TNFRSF4: variants seen among roughly 807,000 people sequenced by gnomAD.
TNFRSF4 encodes TNF receptor superfamily member 4.
In TNFRSF4, 21 loss-of-function variants were observed where a neutral mutation model predicts 29.5. The observed-to-expected ratio is 0.71, with a 90% CI of 0.51 to 1.03. The LOEUF (loss-of-function observed/expected upper bound fraction) is 1.03, where lower values mean the gene tolerates loss of function less well. TNFRSF4 is among the 50% of genes least tolerant of loss of function. TNFRSF4 has a pLI of 0.00. For synonymous variants in TNFRSF4, 197 were observed against 172.7 expected, an observed-to-expected ratio of 1.14 and a Z score of -1.10; for missense variants, 408 against 387.8, an observed-to-expected ratio of 1.05 and a Z score of -0.44.
intron 1 of TNFRSF4, 82 bp downstream of exon 1, chr1:1,213,901 C>T (rs1173563048): frequency 4.4e-6 from 6 of 1,372,118 alleles, no homozygotes; most frequent in South Asian, 1.4e-5. Flanking sequence ...CTCCCCAGGA[C>T]CAGCCTCCTG....
At position 1,212,005 on chromosome 1, in the gene TNFRSF4, G is replaced by GCTGGA; in HGVS notation, c.566_570dup (p.Pro191SerfsTer?). On this transcript the variant is annotated frameshift_variant, in exon 5 of 7. Coordinates refer to ENST00000379236, the MANE Select transcript of TNFRSF4 (RefSeq NM_003327.4). LOFTEE classifies it high-confidence loss of function. ...GAGGTTCTGGGCCAGGCTTCAGTGG[G>GCTGGA]CTGGACAGTGATGGGCCTGGCCGGG... is the stretch of plus-strand genomic sequence containing the variant. 3 of 1,608,898 alleles carry GCTGGA rather than the reference G, an allele frequency of 1.9e-6. No individual in the cohort carries two copies. Among genetic ancestry groups the GCTGGA allele is most frequent in the Non-Finnish European group, 2.5e-6 (3 of 1,178,482 alleles).
At position 1,213,935 on chromosome 1, in the gene TNFRSF4, C is replaced by T. The variant is rs1373164674; in HGVS notation, c.145+48G>A. The T allele has an allele frequency of 3.9e-6, 6 of 1,527,366 alleles. No individual in the cohort carries two copies. In the East Asian group the frequency reaches 1.4e-4, roughly 36 times the overall value. 94.6% of individuals were successfully genotyped at this position (1,527,366 alleles called of 1,614,324 possible). A position where few individuals can be genotyped will look rare whatever the true frequency, so the allele number is the denominator to read the frequency against. On this transcript the variant is annotated intron_variant, in intron 1 of 6. Coordinates refer to ENST00000379236, the MANE Select transcript of TNFRSF4 (RefSeq NM_003327.4). ...TGGCTGGCCCATCCCTGCCCCAGCC[C>T]CCAGTCCCTGGAGTGCCCGTGCGTG...
Position 1,212,983 on chromosome 1 carries a change from C to T in TNFRSF4, c.370+9G>A, listed in dbSNP as rs1228355969. ...ACCCCCAACCGCCGGCCGCAGCCAC[C>T]GAGCTCACCAACTCCAGGCTTGTAG... On this transcript the variant is annotated intron_variant, in intron 3 of 6. Coordinates refer to ENST00000379236, the MANE Select transcript of TNFRSF4 (RefSeq NM_003327.4). 10 of 1,606,594 alleles carry T rather than the reference C, an allele frequency of 6.2e-6. No individual in the cohort carries two copies. The highest frequency in any genetic ancestry group is 6.8e-6 in the Non-Finnish European group (8 of 1,176,892).
Position 1,214,115 on chromosome 1 carries a change from C to G in TNFRSF4, c.13G>C (p.Ala5Pro). The change falls in exon 1 of 7, where the codon GCT becomes CCT. Residue 5 changes from alanine (A) to proline (P), a missense_variant. Physicochemically the swap from Ala to Pro is conservative, Grantham distance 27. Coordinates refer to ENST00000379236, the MANE Select transcript of TNFRSF4 (RefSeq NM_003327.4). This position sits in a 1 kb window ranked among gnomAD's most constrained non-coding sequence, Gnocchi z 4.2. Reference protein sequence around the residue: MCVGARRLGRGPCAA... With the variant: MCVGPRRLGRGPCAA... ...CACGGCCCGCGGCCCAGCCGCCGAG[C>G]CCCCACGCACATCCTCGTCTCTGCT... is the stretch of plus-strand genomic sequence containing the variant. The G allele has an allele frequency of 6.3e-7, 1 of 1,581,390 alleles. No individual in the cohort carries two copies. The highest frequency in any genetic ancestry group is 2.3e-5 in the East Asian group (1 of 43,954).
intron 3 of TNFRSF4, 136 bp from the exon 4 acceptor site, chr1:1,212,840 C>G: frequency 8.2e-7 from 1 of 1,216,774 alleles, no homozygotes; most frequent in East Asian, 2.6e-5. Flanking sequence ...TCCCTGCCCA[C>G]ATCCCACCCG....
chr1:1,212,370 C>A (rs902635127), intron 4 of TNFRSF4, among the ~76,000 whole-genome samples: 1 of 152,044 alleles, frequency 6.6e-6, no homozygotes, highest in African/African-American at 2.4e-5. Context: ...TGTCCTGTGC[C>A]CCCAGGGCCT....
At chr1:1,211,650 G>A (rs1649110433) in intron 6 of TNFRSF4, 25 bp from the exon 7 acceptor site, 1 of 1,565,652 alleles carries the variant, frequency 6.4e-7, no homozygotes. Context: ...AGGAGAGATT[G>A]GTGGGTGGGC....
rs1453663117 is a variant in TNFRSF4 at position 1,211,988 on chromosome 1, G to A, written c.588C>T (p.Pro196=). ...PITVQPTEAW[P]RTSQGPSTRP... is the part of the protein sequence containing the mutation. Reference sequence around the variant, plus strand: ...GGGTGGAGGGTCCCTGTGAGGTTCTGGGCCAGGCTTCAGTGGGCTGGACAG... The same window carrying A: ...GGGTGGAGGGTCCCTGTGAGGTTCTAGGCCAGGCTTCAGTGGGCTGGACAG... Residue 196 remains proline, a synonymous_variant, in exon 5 of 7, where the codon CCC becomes CCT. Transcript: ENST00000379236. 2 of 1,604,720 alleles carry A rather than the reference G, an allele frequency of 1.2e-6. No homozygotes were observed. Among genetic ancestry groups the A allele is most frequent in the Non-Finnish European group, 1.7e-6 (2 of 1,176,630 alleles).
rs527845865 is a variant in TNFRSF4, at chr1:1,213,040, G to A, written c.322C>T (p.Arg108Cys). The A allele has an allele frequency of 2.8e-5, 45 of 1,611,498 alleles. No individual in the cohort carries two copies. The highest frequency in any genetic ancestry group is 1.9e-4 in the South Asian group (17 of 90,974). Residue 108 changes from arginine (R) to cysteine (C), a missense_variant, in exon 3 of 7, where the codon CGC (arginine) becomes TGC (cysteine). Arg to Cys is a radical substitution (Grantham distance 180). Coordinates refer to ENST00000379236, the MANE Select transcript of TNFRSF4 (RefSeq NM_003327.4). Reference sequence around the variant, plus strand: ...AGGGGCTGGGTGCCCGCCCGGCAGCGGCAGACTGTGTCCTGTGTGGCCGTG... The same window carrying A: ...AGGGGCTGGGTGCCCGCCCGGCAGCAGCAGACTGTGTCCTGTGTGGCCGTG... ...LCTATQDTVCRCRAGTQPLDS... is the reference protein window; with the variant it reads ...LCTATQDTVCCCRAGTQPLDS...
chr1:1,211,462 G>C lies in TNFRSF4; in HGVS notation c.*93C>G. The C allele has an allele frequency of 7.8e-7, 1 of 1,277,706 alleles. No homozygotes were observed. The allele number at this position is 1,277,706 out of a possible 1,614,324, so 79.1% of individuals were successfully genotyped here. A position where few individuals can be genotyped will look rare whatever the true frequency, so the allele number is the denominator to read the frequency against. ...GGTGCAGAGTTGGCCCAGGAGCGTG[G>C]CGGGGCAGGCGGCCTGCACCTGCCC... On this transcript the variant is annotated 3_prime_UTR_variant, in exon 7 of 7. Transcript: ENST00000379236.
Position 1,213,441 on chromosome 1 carries a change from G to A in TNFRSF4, c.268+222C>T, listed in dbSNP as rs34871037. 5,371 of 1,525,874 alleles carry A rather than the reference G, an allele frequency of 3.5e-3. 101 individuals carry two copies. In the Admixed American group the frequency reaches 0.046, roughly 13 times the overall value. 94.5% of individuals were successfully genotyped at this position (1,525,874 alleles called of 1,614,324 possible). ...GCCACATGGCCAGCGTGGTCTCCCC[G>A]ACTCCACGTGGCCTGGGCCGAGTCT... On this transcript the variant is annotated intron_variant, in intron 2 of 6. Transcript: ENST00000379236.
chr1:1,211,472 C>T lies in TNFRSF4; in HGVS notation c.*83G>A. ...TGGCCCAGGAGCGTGGCGGGGCAGG[C>T]GGCCTGCACCTGCCCTGCTCGCCCA... On this transcript the variant is annotated 3_prime_UTR_variant, in exon 7 of 7. Coordinates refer to ENST00000379236, the MANE Select transcript of TNFRSF4 (RefSeq NM_003327.4). The T allele has an allele frequency of 5.3e-6, 7 of 1,317,850 alleles. No homozygotes were observed. The highest frequency in any genetic ancestry group is 2.8e-4 in the Middle Eastern group (1 of 3,616). 81.6% of individuals were successfully genotyped at this position (1,317,850 alleles called of 1,614,324 possible).
In TNFRSF4 at chr1:1,211,554, G is replaced by A. The variant is rs1299409540; in HGVS notation, c.*1C>T. ...CCAGCGTCCACCTTGGTGGGCCCAG[G>A]TCAGATCTTGGCCAGGGTGGAGTGG... On this transcript the variant is annotated 3_prime_UTR_variant, in exon 7 of 7. Coordinates refer to ENST00000379236, the MANE Select transcript of TNFRSF4 (RefSeq NM_003327.4). 1 of 1,500,566 alleles carries A rather than the reference G, an allele frequency of 6.7e-7. No individual in the cohort carries two copies. The highest frequency in any genetic ancestry group is 8.9e-7 in the Non-Finnish European group (1 of 1,126,298). 93.0% of individuals were successfully genotyped at this position (1,500,566 alleles called of 1,614,324 possible). A position where few individuals can be genotyped will look rare whatever the true frequency, so the allele number is the denominator to read the frequency against.
intron 2 of TNFRSF4, 189 bp downstream of exon 2, chr1:1,213,474 C>T (rs1249830687): frequency 8.8e-6 from 13 of 1,481,154 alleles, no homozygotes; most frequent in Admixed American, 2.4e-5. Context: ...TCTGGGCCCC[C>T]GGAGGGAGAG....
In TNFRSF4 at chr1:1,211,707, G is replaced by T; in HGVS notation, c.760C>A (p.Pro254Thr). Residue 254 changes from proline to threonine, a missense_variant, in exon 6 of 7, where the codon CCT (proline) becomes ACT (threonine). Pro to Thr is a conservative substitution (Grantham distance 38, BLOSUM62 -1). Transcript: ENST00000379236. ...QRLPPDAHKP[P>T]GGGSFRTPIQ... ...GGCAGGGCCATGAGGCACTCACCAG[G>T]GGGCTTGTGGGCATCGGGGGGCAGC... 1 of 1,591,234 alleles carries T rather than the reference G, an allele frequency of 6.3e-7. No homozygotes were observed.
intron 2 of TNFRSF4, 95 bp downstream of exon 2, chr1:1,213,568 C>T (rs1479785039): frequency 1.7e-5 from 25 of 1,478,924 alleles, no homozygotes; most frequent in South Asian, 1.4e-4. Flanking sequence ...TTCGTTTCTG[C>T]GGCTGTGGGA....
In TNFRSF4 at chr1:1,211,608, T is replaced by C; in HGVS notation, c.781A>G (p.Thr261Ala). 6.6e-7 allele frequency: 1 copy of C among 1,526,422 alleles called. No individual in the cohort carries two copies. The highest frequency in any genetic ancestry group is 8.8e-7 in the Non-Finnish European group (1 of 1,138,334). The allele number at this position is 1,526,422 out of a possible 1,614,324, so 94.6% of individuals were successfully genotyped here. A position where few individuals can be genotyped will look rare whatever the true frequency, so the allele number is the denominator to read the frequency against. The change falls in exon 7 of 7, where the codon ACC becomes GCC. Residue 261 changes from threonine (T) to alanine (A), a missense_variant. Coordinates refer to ENST00000379236, the MANE Select transcript of TNFRSF4 (RefSeq NM_003327.4). Reference protein sequence around the residue: ...HKPPGGGSFRTPIQEEQADAH... With the variant: ...HKPPGGGSFRAPIQEEQADAH... ...TCGGCCTGCTCCTCTTGGATGGGGG[T>C]CCGGAAACTGCCTCCCCCTGGGGAG...
chr1:1,212,067 T>G lies in TNFRSF4; in HGVS notation c.509A>C (p.Asp170Ala), dbSNP rs1262384227. The change falls in exon 5 of 7, where the codon GAC becomes GCC. Residue 170 changes from aspartate to alanine, a missense_variant. Coordinates refer to ENST00000379236, the MANE Select transcript of TNFRSF4 (RefSeq NM_003327.4). Reference protein sequence around the residue: ...NSSDAICEDRDPPATQPQETQ... With the variant: ...NSSDAICEDRAPPATQPQETQ... ...CTCCTGGGGCTGCGTGGCTGGGGGGTCCCTGTCCTCACAGATTGCGTCCGA... is the reference window on the plus strand; with the variant it reads ...CTCCTGGGGCTGCGTGGCTGGGGGGGCCCTGTCCTCACAGATTGCGTCCGA... 6.2e-7 allele frequency: 1 copy of G among 1,611,288 alleles called. No individual in the cohort carries two copies. The highest frequency in any genetic ancestry group is 8.5e-7 in the Non-Finnish European group (1 of 1,179,172).
At chr1:1,212,569 A>C (rs1270299393) in intron 4 of TNFRSF4, 69 bp downstream of exon 4, 4 of 232,720 alleles carry the variant, frequency 1.7e-5, no homozygotes, top group Admixed American at 1.2e-4. Flanking sequence ...CCAGCTCCCC[A>C]GCTCCTCCGC....
Sources: allele counts gnomAD v4.1 joint callset (sites outside exome capture counted in the v4.1 genomes callset), GRCh38; gene constraint gnomAD v4.1.1; non-coding constraint Gnocchi (gnomAD v3.1); transcripts MANE v1.5; gene names NCBI Gene and HGNC (gene_info 2026-07-23, HGNC 2026-07-21).